RAPGEF4: variants seen among roughly 807,000 people sequenced by gnomAD.
The protein encoded by RAPGEF4 is Rap guanine nucleotide exchange factor 4.
In RAPGEF4, 66 loss-of-function variants were observed where a neutral mutation model predicts 147.9. That is an observed-to-expected ratio of 0.45 (90% confidence interval 0.37 to 0.55). RAPGEF4 has a LOEUF of 0.55. Ranked by LOEUF, RAPGEF4 falls within the 20% of genes least tolerant of loss-of-function variation. The pLI is 0.00. For missense variants in RAPGEF4, 1,071 were observed against 1,257.3 expected, an observed-to-expected ratio of 0.85 and a Z score of 2.24; for synonymous variants, 419 against 442.7, an observed-to-expected ratio of 0.95 and a Z score of 0.67.
chr2:172,913,099 T>G (rs1249152216), intron 4 of RAPGEF4, among the ~76,000 whole-genome samples: 1 of 152,066 alleles, frequency 6.6e-6, no homozygotes, highest in East Asian at 1.9e-4. Flanking sequence ...TTTCACCATG[T>G]TGGCCAAGCT....
intron 1 of RAPGEF4, among the ~76,000 whole-genome samples, chr2:172,745,398 A>T (rs1694676097): frequency 6.6e-6 from 1 of 151,926 alleles, no homozygotes; most frequent in South Asian, 2.1e-4. Flanking sequence ...TTTTAATGCC[A>T]TTAGGATATG....
chr2:172,866,976 A>G (rs1158469230), intron 4 of RAPGEF4, among the ~76,000 whole-genome samples: 1 of 144,972 alleles, frequency 6.9e-6, no homozygotes, highest in African/African-American at 2.6e-5. Flanking sequence ...TTCTTGAGAC[A>G]GAGCCTTGCT....
chr2:172,758,536 G>C (rs1695995352), intron 1 of RAPGEF4, among the ~76,000 whole-genome samples: 1 of 152,210 alleles, frequency 6.6e-6, no homozygotes, highest in Non-Finnish European at 1.5e-5. Flanking sequence ...CTAGGTGAAA[G>C]CTGATGGTGG....
chr2:172,821,094 A>G (rs892672528), intron 4 of RAPGEF4, among the ~76,000 whole-genome samples: 1 of 152,216 alleles, frequency 6.6e-6, no homozygotes, highest in Non-Finnish European at 1.5e-5. Flanking sequence ...TAGCTGTCAG[A>G]AAAATGAAAG....
At chr2:172,934,980 C>T (rs1338141599) in intron 6 of RAPGEF4, among the ~76,000 whole-genome samples, 1 of 152,100 alleles carries the variant, frequency 6.6e-6, no homozygotes, top group Admixed American at 6.5e-5. Flanking sequence ...AGTTCAAGAC[C>T]ATCCTGGGCA....
At chr2:172,920,981 G>C (rs1684692173) in intron 5 of RAPGEF4, among the ~76,000 whole-genome samples, 1 of 152,096 alleles carries the variant, frequency 6.6e-6, no homozygotes, top group Non-Finnish European at 1.5e-5. Flanking sequence ...TTTATGTCTT[G>C]TGTGGTCCCA....
chr2:172,804,031 G>A (rs909161535), intron 3 of RAPGEF4, among the ~76,000 whole-genome samples: 1 of 152,050 alleles, frequency 6.6e-6, no homozygotes, highest in Admixed American at 6.5e-5. Context: ...CCCATGACAT[G>A]TGGGAATTGT....
At chr2:173,036,026 T>G (rs1683957661) in intron 27 of RAPGEF4, 99 bp from the exon 28 acceptor site, 1 of 880,952 alleles carries the variant, frequency 1.1e-6, no homozygotes, top group African/African-American at 1.7e-5. Flanking sequence ...AAAGGTCAAC[T>G]GTACCTGATT....
At chr2:172,848,825 T>C (rs1692505000) in intron 4 of RAPGEF4, among the ~76,000 whole-genome samples, 1 of 152,170 alleles carries the variant, frequency 6.6e-6, no homozygotes, top group African/African-American at 2.4e-5. Context: ...GGTACCAAGA[T>C]ATCTTCCTGC....
At position 172,983,542 on chromosome 2, in the gene RAPGEF4, C is replaced by T; in HGVS notation, c.1051C>T (p.Leu351Phe). Reference protein sequence around the residue: ...VDDLEIIYEELLHIKALSHLS... With the variant: ...VDDLEIIYEEFLHIKALSHLS... ...TGACCTAGAGATTATCTATGAGGAG[C>T]TTCTTCATATTAAAGCCTTATCCCA... The change falls in exon 11 of 31, where the codon CTT becomes TTT. Residue 351 changes from leucine to phenylalanine, a missense_variant. Physicochemically the swap from Leu to Phe is conservative, Grantham distance 22. Coordinates refer to ENST00000397081, the MANE Select transcript of RAPGEF4 (RefSeq NM_007023.4). 1 of 1,613,134 alleles carries T rather than the reference C, an allele frequency of 6.2e-7. No individual in the cohort carries two copies. The highest frequency in any genetic ancestry group is 2.2e-5 in the East Asian group (1 of 44,852).
rs764452524 is a variant in RAPGEF4 at position 173,051,764 on chromosome 2, A to G, written c.3033A>G (p.Pro1011=). The change falls in exon 31 of 31, where the codon CCA becomes CCG. Residue 1011 remains proline (P), a synonymous_variant. Transcript: ENST00000397081. ...CACACAGATTAGAGCCTCGTCGACC[A>G]TAGACATTTCAAATGCCCAAAGCAA... ...QMSHRLEPRR[P] The G allele has an allele frequency of 1.2e-6, 2 of 1,613,654 alleles. No homozygotes were observed. Among genetic ancestry groups the G allele is most frequent in the Admixed American group, 1.7e-5 (1 of 59,972 alleles).
At chr2:172,857,032 T>A (rs1256496213) in intron 4 of RAPGEF4, among the ~76,000 whole-genome samples, 1 of 145,802 alleles carries the variant, frequency 6.9e-6, no homozygotes, top group African/African-American at 2.5e-5. Context: ...GATAATTTTA[T>A]TATTGTTTTT....
At chr2:172,920,225 AT>A (rs564661048) in intron 5 of RAPGEF4, among the ~76,000 whole-genome samples, 104 of 152,258 alleles carry the variant, frequency 6.8e-4, no homozygotes, top group African/African-American at 2.3e-3. Context: ...TTTTAATATT[AT>A]TTTTGACATT....
intron 4 of RAPGEF4, among the ~76,000 whole-genome samples, chr2:172,854,898 C>A (rs555400287): frequency 1.3e-5 from 2 of 152,224 alleles, no homozygotes; most frequent in East Asian, 3.9e-4. Context: ...TCTCTGCAAG[C>A]CCGATGGAGA....
chr2:172,775,636 G>T (rs1684086701), intron 1 of RAPGEF4, among the ~76,000 whole-genome samples: 1 of 152,018 alleles, frequency 6.6e-6, no homozygotes. Flanking sequence ...CAAGGCATCT[G>T]GCTTTTTTTG....
intron 6 of RAPGEF4, among the ~76,000 whole-genome samples, chr2:172,947,454 TG>T (rs1687784433): frequency 1.3e-5 from 2 of 152,228 alleles, no homozygotes; most frequent in Admixed American, 6.5e-5. Flanking sequence ...CTAAAAATGC[TG>T]CATGCTCTGC....
At chr2:173,000,459 A>G (rs1693784205) in intron 16 of RAPGEF4, among the ~76,000 whole-genome samples, 1 of 152,186 alleles carries the variant, frequency 6.6e-6, no homozygotes, top group African/African-American at 2.4e-5. Context: ...TCTGATGGGC[A>G]TAGTCCTGAG....
At chr2:172,779,615 G>A (rs1684499909) in intron 1 of RAPGEF4, among the ~76,000 whole-genome samples, 1 of 152,178 alleles carries the variant, frequency 6.6e-6, no homozygotes, top group African/African-American at 2.4e-5. Context: ...TTTACTCTGA[G>A]CTAAACAGGG....
At chr2:172,932,113 C>T (rs1212177506) in intron 6 of RAPGEF4, among the ~76,000 whole-genome samples, 1 of 151,774 alleles carries the variant, frequency 6.6e-6, no homozygotes, top group Admixed American at 6.6e-5. Flanking sequence ...TTCCGGTGTT[C>T]ATGCATGTCT....
Sources: gnomAD v4.1 joint callset for allele counts (sites outside exome capture counted in the v4.1 genomes callset) on GRCh38, gnomAD v4.1.1 for gene constraint, MANE v1.5 for transcripts, NCBI Gene and HGNC (gene_info 2026-07-23, HGNC 2026-07-21) for gene names.